CFAP69: variants seen among roughly 807,000 people sequenced by gnomAD.
The protein encoded by CFAP69 is cilia- and flagella-associated protein 69.
A neutral mutation model predicts 123.0 loss-of-function variants in CFAP69; 92 were observed. The ratio of observed to expected loss-of-function variants is 0.75; its 90% confidence interval spans 0.63 to 0.89. The LOEUF is 0.89. Ranked by LOEUF, CFAP69 falls within the 40% of genes least tolerant of loss-of-function variation. The probability of loss-of-function intolerance (pLI) is 0.00; values close to 1 mark genes in which losing one functional copy is unlikely to be tolerated. For missense variants in CFAP69, 1,067 were observed against 1,096.9 expected (o/e 0.97, Z 0.39); for synonymous variants, 380 against 364.3 (o/e 1.04, Z -0.49).
At chr7:90,270,210 T>A (rs1042972207) in intron 6 of CFAP69, 3 of 152,136 alleles carry the variant, frequency 2.0e-5, no homozygotes, top group African/African-American at 7.2e-5. Flanking sequence ...GTCCATGAGC[T>A]TTAATGGTGT....
chr7:90,305,468 A>G (rs529761025), intron 19 of CFAP69, among the ~76,000 whole-genome samples: 9 of 151,308 alleles, frequency 5.9e-5, no homozygotes, highest in Middle Eastern at 3.4e-3. Flanking sequence ...TCTTGGCTCA[A>G]TGCAACCTCT....
At chr7:90,281,534 G>A (rs1197781310) in intron 12 of CFAP69, among the ~76,000 whole-genome samples, 1 of 151,960 alleles carries the variant, frequency 6.6e-6, no homozygotes, top group Non-Finnish European at 1.5e-5. Flanking sequence ...GGTGGTGTTG[G>A]GGCAGTTGGT....
At chr7:90,320,088 G>A in the CFAP69 span, among the ~76,000 whole-genome samples, 4 of 152,112 alleles carry the variant, frequency 2.6e-5, no homozygotes, top group Admixed American at 2.0e-4. Context: ...TTAGTGATAC[G>A]GTTCCGCAAG....
chr7:90,283,632 A>G (rs1584457175), intron 13 of CFAP69, among the ~76,000 whole-genome samples: 2 of 152,210 alleles, frequency 1.3e-5, no homozygotes, highest in African/African-American at 4.8e-5. Flanking sequence ...ATAAGTACAC[A>G]TAAACTCAGT....
At chr7:90,275,600 T>TC (rs1208049357) in intron 9 of CFAP69, among the ~76,000 whole-genome samples, 1 of 123,416 alleles carries the variant, frequency 8.1e-6, no homozygotes, top group Non-Finnish European at 1.7e-5. Flanking sequence ...CTTTTTTTTT[T>TC]TTTTTTTTTT....
chr7:90,245,232 G>T lies in CFAP69; in HGVS notation c.-193G>T. ...GGGATCAGAGGTCTGGGTCAACTGG[G>T]GGGCGGCAGCGGCGCTAAGCGGACT... On this transcript the variant is annotated 5_prime_UTR_variant, in exon 1 of 23. Coordinates refer to ENST00000389297, the MANE Select transcript of CFAP69 (RefSeq NM_001039706.3). 1.6e-6 allele frequency: 1 copy of T among 619,794 alleles called. No individual in the cohort carries two copies. The highest frequency in any genetic ancestry group is 3.6e-5 in the South Asian group (1 of 27,846). 38.4% of individuals were successfully genotyped at this position (619,794 alleles called of 1,614,324 possible).
At chr7:90,252,168 A>C (rs1412095753) in intron 1 of CFAP69, 1 of 151,054 alleles carries the variant, frequency 6.6e-6, no homozygotes, top group Non-Finnish European at 1.5e-5. Context: ...AAAATCTGAG[A>C]GTGTAGGAGG....
At chr7:90,316,355 A>G in the CFAP69 span, 2 of 152,218 alleles carry the variant, frequency 1.3e-5, no homozygotes, top group Admixed American at 6.5e-5. Context: ...TGTTTTTTAA[A>G]ATGATCTCTA....
chr7:90,313,723 A>G (rs971073527), downstream of CFAP69, among the ~76,000 whole-genome samples: 2 of 152,182 alleles, frequency 1.3e-5, no homozygotes, highest in Non-Finnish European at 2.9e-5. Context: ...AAAAGGAAGG[A>G]AGGGAGAGAG....
At chr7:90,281,433 T>C (rs1217995147) in intron 12 of CFAP69, among the ~76,000 whole-genome samples, 1 of 152,096 alleles carries the variant, frequency 6.6e-6, no homozygotes, top group Non-Finnish European at 1.5e-5. Context: ...TAATTAAAAT[T>C]ATGTGGTACT....
At chr7:90,299,717 C>A in intron 16 of CFAP69, 150 bp from the exon 17 acceptor site, 1 of 593,734 alleles carries the variant, frequency 1.7e-6, no homozygotes, top group Non-Finnish European at 2.9e-6. Context: ...ATAGTCATTA[C>A]AATGGGTGTC....
chr7:90,308,830 A>G (rs1353647458), intron 21 of CFAP69, among the ~76,000 whole-genome samples: 13 of 152,214 alleles, frequency 8.5e-5, no homozygotes. Flanking sequence ...TATAACTGCA[A>G]TGAATTACAT....
At chr7:90,303,273 T>G (rs1277045202) in intron 17 of CFAP69, 3 of 152,160 alleles carry the variant, frequency 2.0e-5, no homozygotes, top group Admixed American at 6.5e-5. Flanking sequence ...ACAGGGATAG[T>G]TTGACTTCCC....
intron 11 of CFAP69, among the ~76,000 whole-genome samples, chr7:90,278,693 A>C (rs1372934407): frequency 1.3e-5 from 2 of 152,152 alleles, no homozygotes; most frequent in Admixed American, 1.3e-4. Flanking sequence ...GTGAGCGGTG[A>C]AATCAACAAT....
chr7:90,319,068 G>T, the CFAP69 span: 1 of 262,288 alleles, frequency 3.8e-6, no homozygotes. Context: ...TAATTACAGG[G>T]TTAAATGGCT....
At chr7:90,315,458 T>C (rs1794715652), downstream of CFAP69, among the ~76,000 whole-genome samples, 1 of 152,158 alleles carries the variant, frequency 6.6e-6, no homozygotes, top group South Asian at 2.1e-4. Flanking sequence ...TGCAAGAACA[T>C]GGATGGAGGT....
At position 90,262,054 on chromosome 7, in the gene CFAP69, T is replaced by C; in HGVS notation, c.354T>C (p.Cys118=). The C allele has an allele frequency of 6.4e-7, 1 of 1,556,644 alleles. No individual in the cohort carries two copies. The highest frequency in any genetic ancestry group is 1.2e-5 in the South Asian group (1 of 84,160). Residue 118 remains cysteine, a splice_region_variant and synonymous_variant, in exon 4 of 23, where the codon TGT becomes TGC. Coordinates refer to ENST00000389297, the MANE Select transcript of CFAP69 (RefSeq NM_001039706.3). ...IESAYDIIKL[C]GLPFLKKKVS... Reference sequence around the variant, plus strand: ...CTGCATATGATATCATAAAACTGTGTGGGTAAGTTATCTTTCTTTAACTTT... The same window carrying C: ...CTGCATATGATATCATAAAACTGTGCGGGTAAGTTATCTTTCTTTAACTTT...
chr7:90,269,558 G>A (rs1261465677), intron 6 of CFAP69, among the ~76,000 whole-genome samples: 1 of 152,126 alleles, frequency 6.6e-6, no homozygotes, highest in African/African-American at 2.4e-5. Context: ...GCAGTTTTCT[G>A]TAATGGAAGA....
At chr7:90,251,320 A>G (rs924717647) in intron 1 of CFAP69, among the ~76,000 whole-genome samples, 1 of 152,142 alleles carries the variant, frequency 6.6e-6, no homozygotes, top group Admixed American at 6.5e-5. Flanking sequence ...TGGGAAAGCT[A>G]GAGGTGGACT....
Sources: allele counts gnomAD v4.1 joint callset (sites outside exome capture counted in the v4.1 genomes callset), GRCh38; gene constraint gnomAD v4.1.1; transcripts MANE v1.5; gene names NCBI Gene and HGNC (gene_info 2026-07-23, HGNC 2026-07-21).